The following ASPRV1 variants were observed in gnomAD, a reference collection of about 807,000 sequenced individuals.
ASPRV1 encodes the protein retroviral-like aspartic protease 1.
Under a neutral mutation model 11.0 loss-of-function variants are expected in ASPRV1, and 7 were observed. That is an observed-to-expected ratio of 0.64 (90% CI 0.36 to 1.20). The LOEUF (loss-of-function observed/expected upper bound fraction) is 1.20, where lower values mean the gene tolerates loss of function less well. ASPRV1 is among the 50% of genes most tolerant of loss of function. The pLI is 0.02. For synonymous variants in ASPRV1, 136 were observed against 138.4 expected (o/e 0.98, Z 0.12); for missense variants, 299 against 320.0 (o/e 0.93, Z 0.50).
At chr2:69,990,563 G>A in the ASPRV1 span, among the ~76,000 whole-genome samples, 7 of 151,954 alleles carry the variant, frequency 4.6e-5, no homozygotes, top group Non-Finnish European at 8.8e-5. Context: ...CTGTAGCCTC[G>A]ACATCTAGGG....
At chr2:69,977,477 G>C in the ASPRV1 span, among the ~76,000 whole-genome samples, 1 of 152,152 alleles carries the variant, frequency 6.6e-6, no homozygotes, top group Non-Finnish European at 1.5e-5. Context: ...TGAAAGGCAG[G>C]AACCTCATGT....
At chr2:69,989,028 C>G in the ASPRV1 span, among the ~76,000 whole-genome samples, 4 of 152,238 alleles carry the variant, frequency 2.6e-5, no homozygotes, top group Non-Finnish European at 4.4e-5. Context: ...TCTAAAACAA[C>G]CACTGACCAG....
chr2:70,084,966 G>C, the ASPRV1 span, among the ~76,000 whole-genome samples: 7 of 152,160 alleles, frequency 4.6e-5, no homozygotes, highest in African/African-American at 1.7e-4. Context: ...CCTTCTCTTT[G>C]TCTCTCATAT....
the ASPRV1 span, chr2:69,975,765 G>A: frequency 4.6e-5 from 7 of 152,442 alleles, no homozygotes; most frequent in Admixed American, 6.5e-5. Flanking sequence ...TGGAAGGCCA[G>A]GCAGAGCTGC....
chr2:69,968,681 G>C, the ASPRV1 span, among the ~76,000 whole-genome samples: 1 of 152,242 alleles, frequency 6.6e-6, no homozygotes, highest in African/African-American at 2.4e-5. Flanking sequence ...TAAATAATAA[G>C]TAAGCAAAGG....
the ASPRV1 span, among the ~76,000 whole-genome samples, chr2:70,014,063 T>C: frequency 3.5e-4 from 53 of 152,372 alleles, no homozygotes; most frequent in Non-Finnish European, 6.2e-4. Context: ...TGGGGTTGTC[T>C]ATAATTTTTA....
the ASPRV1 span, chr2:69,939,452 C>A: frequency 1.3e-5 from 2 of 152,578 alleles, no homozygotes; most frequent in African/African-American, 2.4e-5. Context: ...GACTTTGTAG[C>A]ATTTTTATTT....
chr2:69,995,388 CAA>C, the ASPRV1 span: 25 of 82,676 alleles, frequency 3.0e-4, no homozygotes, highest in Admixed American at 5.6e-4. Flanking sequence ...GACTCTGCCT[CAA>C]AAAAAAAAAA....
chr2:69,955,685 A>G (rs1677921477), downstream of ASPRV1, among the ~76,000 whole-genome samples: 1 of 152,234 alleles, frequency 6.6e-6, no homozygotes, highest in African/African-American at 2.4e-5. Context: ...GGATGTTTGC[A>G]GGAGCGTGTG....
At chr2:69,998,449 A>C in the ASPRV1 span, among the ~76,000 whole-genome samples, 3,808 of 152,256 alleles carry the variant, frequency 0.025, 151 homozygotes, top group African/African-American at 0.085. Flanking sequence ...ACTGTGAAGA[A>C]TTCTTTCTGG....
the ASPRV1 span, among the ~76,000 whole-genome samples, chr2:70,078,266 A>G: frequency 1.3e-5 from 2 of 152,308 alleles, no homozygotes; most frequent in East Asian, 3.9e-4. Flanking sequence ...CCATCATGAA[A>G]TTTACATTCT....
At chr2:69,951,423 CAA>C in the ASPRV1 span, among the ~76,000 whole-genome samples, 82 of 63,670 alleles carry the variant, frequency 1.3e-3, no homozygotes, top group Admixed American at 2.8e-3. Context: ...GACTCCATCT[CAA>C]AAAAAAAAAA....
the ASPRV1 span, among the ~76,000 whole-genome samples, chr2:70,079,225 T>A: frequency 6.6e-6 from 1 of 152,028 alleles, no homozygotes; most frequent in Non-Finnish European, 1.5e-5. Context: ...GCTAATAATG[T>A]AAACTCATGA....
chr2:69,991,261 G>A, the ASPRV1 span, among the ~76,000 whole-genome samples: 3 of 152,122 alleles, frequency 2.0e-5, no homozygotes, highest in African/African-American at 7.2e-5. Context: ...CCTGTGCTAG[G>A]TCCTTGCCTC....
chr2:70,060,829 T>C, the ASPRV1 span, among the ~76,000 whole-genome samples: 1 of 152,124 alleles, frequency 6.6e-6, no homozygotes, highest in Non-Finnish European at 1.5e-5. Flanking sequence ...TTTTAAAAAG[T>C]TGTGCAGACA....
the ASPRV1 span, among the ~76,000 whole-genome samples, chr2:70,028,152 T>G: frequency 6.6e-6 from 1 of 152,182 alleles, no homozygotes; most frequent in African/African-American, 2.4e-5. Flanking sequence ...TGGGCCACAT[T>G]GGGTGAGGCT....
At chr2:69,948,753 C>G in the ASPRV1 span, among the ~76,000 whole-genome samples, 1 of 152,084 alleles carries the variant, frequency 6.6e-6, no homozygotes, top group African/African-American at 2.4e-5. Flanking sequence ...CTCCGAGGTC[C>G]TCTCCCTGTC....
the ASPRV1 span, among the ~76,000 whole-genome samples, chr2:69,992,702 T>C: frequency 6.6e-6 from 1 of 152,212 alleles, no homozygotes; most frequent in Non-Finnish European, 1.5e-5. Flanking sequence ...ACAGAGTGGT[T>C]TGTCTAAAAT....
the ASPRV1 span, among the ~76,000 whole-genome samples, chr2:70,057,239 TA>T: frequency 4.0e-5 from 6 of 149,986 alleles, no homozygotes; most frequent in East Asian, 2.0e-4. Flanking sequence ...CCATCTCTAT[TA>T]AAAAAAAAGA....
Sources: allele counts gnomAD v4.1 joint callset (sites outside exome capture counted in the v4.1 genomes callset), GRCh38; gene constraint gnomAD v4.1.1; transcripts MANE v1.5; gene names NCBI Gene and HGNC (gene_info 2026-07-23, HGNC 2026-07-21).